The following CAPZB variants were observed in gnomAD, a reference collection of about 807,000 sequenced individuals.
CAPZB encodes the protein capping actin protein of muscle Z-line subunit beta.
CAPZB carries 2 observed loss-of-function variants against 38.1 expected under a neutral mutation model. The observed-to-expected ratio is 0.05, with a 90% CI of 0.02 to 0.17. The LOEUF (loss-of-function observed/expected upper bound fraction) is 0.17, where lower values mean the gene tolerates loss of function less well. Among genes scored for constraint, CAPZB ranks in the 10% least tolerant of loss-of-function variants. The pLI is 1.00. For synonymous variants in CAPZB, 107 were observed against 127.4 expected (o/e 0.84, Z 1.08); for missense variants, 161 against 334.2 (o/e 0.48, Z 4.04).
intron 1 of CAPZB, among the ~76,000 whole-genome samples, chr1:19,466,004 G>C (rs1237141615): frequency 1.3e-5 from 2 of 151,842 alleles, no homozygotes; most frequent in African/African-American, 4.8e-5. Flanking sequence ...GAAGCCCAAG[G>C]CTACACAGCT....
chr1:19,444,313 C>G (rs1015899019), intron 1 of CAPZB, among the ~76,000 whole-genome samples: 13 of 151,620 alleles, frequency 8.6e-5, no homozygotes, highest in African/African-American at 3.1e-4. Flanking sequence ...GTCTGCAACA[C>G]CCCCCAGCCC....
chr1:19,432,993 G>T (rs1295910590), intron 1 of CAPZB, among the ~76,000 whole-genome samples: 1 of 152,188 alleles, frequency 6.6e-6, no homozygotes, highest in African/African-American at 2.4e-5. Flanking sequence ...TCCCTGGCAG[G>T]TGGATTTGTC....
At chr1:19,415,736 G>T (rs1478640675) in intron 2 of CAPZB, among the ~76,000 whole-genome samples, 1 of 152,128 alleles carries the variant, frequency 6.6e-6, no homozygotes, top group Non-Finnish European at 1.5e-5. Flanking sequence ...ATGGGTTTTC[G>T]CCATGTTGGC....
At chr1:19,388,041 C>T (rs946573890) in intron 2 of CAPZB, among the ~76,000 whole-genome samples, 2 of 152,204 alleles carry the variant, frequency 1.3e-5, no homozygotes, top group African/African-American at 4.8e-5. Flanking sequence ...GGTGCTTCAC[C>T]CCAGTTCCAC....
intron 1 of CAPZB, among the ~76,000 whole-genome samples, chr1:19,422,568 C>T (rs1237750928): frequency 6.6e-6 from 1 of 152,144 alleles, no homozygotes; most frequent in Non-Finnish European, 1.5e-5. Flanking sequence ...ATCCCCGTCT[C>T]TACTAAAAAT....
intron 6 of CAPZB, among the ~76,000 whole-genome samples, chr1:19,355,764 T>C (rs1053509622): frequency 2.0e-5 from 3 of 152,214 alleles, no homozygotes; most frequent in Non-Finnish European, 2.9e-5. Context: ...CCAGTTGTGC[T>C]TGGTCTATGC....
chr1:19,473,938 C>G (rs2094598291), intron 1 of CAPZB, among the ~76,000 whole-genome samples: 1 of 151,786 alleles, frequency 6.6e-6, no homozygotes, highest in Middle Eastern at 3.2e-3. Context: ...TTCCTATGGA[C>G]AATCACAAGC....
chr1:19,356,684 T>C lies in CAPZB; in HGVS notation c.539A>G (p.Asn180Ser). Residue 180 changes from asparagine to serine, a missense_variant, in exon 6 of 9, where the codon AAC becomes AGC. By Grantham distance (46) the Asn-to-Ser change is conservative. Coordinates refer to ENST00000264202, the MANE Select transcript of CAPZB (RefSeq NM_004930.5). This position sits in a 1 kb window ranked among gnomAD's most constrained non-coding sequence, Gnocchi z 4.3. ...TSTVMLWLQTNKSGSGTMNLG... is the reference protein window; with the variant it reads ...TSTVMLWLQTSKSGSGTMNLG... ...GTTCATGGTGCCAGAGCCAGATTTG[T>C]TGGTCTGCAGCCACAGCATCACCGT... The C allele has an allele frequency of 1.2e-6, 2 of 1,614,098 alleles. No homozygotes were observed. The highest frequency in any genetic ancestry group is 2.2e-5 in the South Asian group (2 of 91,078).
At chr1:19,423,516 C>CTTTTTTTTTTTT (rs11340496) in intron 1 of CAPZB, among the ~76,000 whole-genome samples, 1 of 113,270 alleles carries the variant, frequency 8.8e-6, no homozygotes, top group Non-Finnish European at 1.7e-5. Flanking sequence ...AGTGAACATT[C>CTTTTTTTTTTTT]TTTTTTTTTT....
intron 2 of CAPZB, among the ~76,000 whole-genome samples, chr1:19,403,647 AG>A (rs1468252794): frequency 3.3e-5 from 5 of 152,244 alleles, no homozygotes; most frequent in Admixed American, 3.3e-4. Flanking sequence ...CAGAGCAGGC[AG>A]GGGATGACAG....
rs574534658 is a variant in CAPZB at position 19,370,771 on chromosome 1, T to C, written c.329+7769A>G. 7.5e-4 allele frequency among the ~76,000 whole-genome samples: 114 copies of C among 152,152 alleles called. 1 individual carries two copies. Among genetic ancestry groups the C allele is most frequent in the Middle Eastern group, 6.8e-3 (2 of 294 alleles). ...GGACAGCAGTCTCAGGCCAGCTCTG[T>C]TAGCCCTTTCCACTCAAGGGCAACC... is the stretch of plus-strand genomic sequence containing the variant. On this transcript the variant is annotated intron_variant, in intron 4 of 8. Coordinates refer to ENST00000264202, the MANE Select transcript of CAPZB (RefSeq NM_004930.5).
chr1:19,375,864 T>C (rs966106448), intron 4 of CAPZB, among the ~76,000 whole-genome samples: 4 of 152,202 alleles, frequency 2.6e-5, no homozygotes, highest in Admixed American at 6.5e-5. Flanking sequence ...ACTTGTCCTA[T>C]AGTCACTGTA....
chr1:19,415,235 C>T (rs921415095), intron 2 of CAPZB, among the ~76,000 whole-genome samples: 1 of 152,222 alleles, frequency 6.6e-6, no homozygotes, highest in Non-Finnish European at 1.5e-5. Flanking sequence ...CAATCTCCCC[C>T]CCTTCATTAT....
chr1:19,402,188 CT>C (rs2100363935), intron 2 of CAPZB, among the ~76,000 whole-genome samples: 1 of 152,324 alleles, frequency 6.6e-6, no homozygotes, highest in East Asian at 1.9e-4. Context: ...CCCACCAGGG[CT>C]GCGAAGGAAT....
chr1:19,385,333 G>T (rs1329451877), intron 3 of CAPZB, among the ~76,000 whole-genome samples, 172 bp downstream of exon 3: 3 of 152,194 alleles, frequency 2.0e-5, no homozygotes, highest in Non-Finnish European at 2.9e-5. Flanking sequence ...GGAACGATGA[G>T]AAGAATGGGG....
chr1:19,421,321 A>ATT (rs2094400298), intron 1 of CAPZB, among the ~76,000 whole-genome samples: 1 of 152,258 alleles, frequency 6.6e-6, no homozygotes, highest in Non-Finnish European at 1.5e-5. Flanking sequence ...ATAACACATT[A>ATT]TTAAGGAGAG....
chr1:19,354,477 T>C (rs1203727329), intron 6 of CAPZB, among the ~76,000 whole-genome samples: 5 of 152,232 alleles, frequency 3.3e-5, no homozygotes, highest in African/African-American at 7.2e-5. Context: ...CCAGCTTTAA[T>C]GCACCTCAAA....
chr1:19,483,444 A>G (rs1470843760), intron 1 of CAPZB, among the ~76,000 whole-genome samples: 2 of 152,260 alleles, frequency 1.3e-5, no homozygotes, highest in Non-Finnish European at 2.9e-5. Flanking sequence ...GGACAGCCCC[A>G]GAAGGGCTTC....
intron 3 of CAPZB, among the ~76,000 whole-genome samples, chr1:19,379,379 G>A (rs1203572520): frequency 1.3e-5 from 2 of 152,166 alleles, no homozygotes; most frequent in African/African-American, 4.8e-5. Flanking sequence ...GATTATAGGT[G>A]TGAGCCACCG....
Sources: allele counts gnomAD v4.1 joint callset (sites outside exome capture counted in the v4.1 genomes callset), GRCh38; gene constraint gnomAD v4.1.1; non-coding constraint Gnocchi (gnomAD v3.1); transcripts MANE v1.5; gene names NCBI Gene and HGNC (gene_info 2026-07-23, HGNC 2026-07-21).